The following MAP4 variants were observed in gnomAD, a reference collection of about 807,000 sequenced individuals.
MAP4 encodes microtubule associated protein 4.
A neutral mutation model predicts 170.2 loss-of-function variants in MAP4; 76 were observed. The observed-to-expected ratio is 0.45, with a 90% confidence interval of 0.37 to 0.54. The LOEUF (loss-of-function observed/expected upper bound fraction) is 0.54. Among genes scored for constraint, MAP4 ranks in the 20% least tolerant of loss-of-function variants. The pLI is 0.00. For missense variants in MAP4, 2,506 were observed against 2,748.0 expected, an observed-to-expected ratio of 0.91 and a Z score of 1.97; for synonymous variants, 909 against 994.5, an observed-to-expected ratio of 0.91 and a Z score of 1.62.
At chr3:48,021,885 T>C (rs1281722173) in intron 1 of MAP4, among the ~76,000 whole-genome samples, 1 of 152,140 alleles carries the variant, frequency 6.6e-6, no homozygotes, top group Non-Finnish European at 1.5e-5. Flanking sequence ...ATGTCATATG[T>C]TTGAAACTAA....
At chr3:48,045,593 A>C (rs892607161) in intron 1 of MAP4, among the ~76,000 whole-genome samples, 1 of 152,220 alleles carries the variant, frequency 6.6e-6, no homozygotes, top group African/African-American at 2.4e-5. Context: ...TCTTCCACTA[A>C]ATCAGTGCTA....
intron 1 of MAP4, among the ~76,000 whole-genome samples, chr3:48,077,519 G>A (rs1445439369): frequency 1.4e-5 from 2 of 146,794 alleles, no homozygotes; most frequent in African/African-American, 5.0e-5. Context: ...TTTTTTTATA[G>A]AGACAGGGTC....
At chr3:47,890,976 T>C (rs1166059926) in intron 10 of MAP4, 56 of 1,407,702 alleles carry the variant, frequency 4.0e-5, no homozygotes, top group Non-Finnish European at 5.2e-5. Flanking sequence ...TTTGGTTCCT[T>C]CCTTGCTGTC....
chr3:47,855,656 G>T lies in MAP4; in HGVS notation c.6584-296C>A, dbSNP rs1037905486. On this transcript the variant is annotated intron_variant, in intron 18 of 20. Transcript: ENST00000683076. The surrounding 1 kb of genome is among the most constrained non-coding windows in gnomAD (Gnocchi z 5.1). ...CAGGCTTGGGCAGGCCTGGGGCTCC[G>T]AGCACAGCCTCCAGGGCGAAGCCTC... Among the ~76,000 whole-genome samples the T allele has an allele frequency of 1.3e-5, 2 of 152,182 alleles. 1 individual carries two copies. Among genetic ancestry groups the T allele is most frequent in the South Asian group, 4.1e-4 (2 of 4,824 alleles).
intron 1 of MAP4, among the ~76,000 whole-genome samples, chr3:48,053,780 TTGG>T (rs2154550800): frequency 6.6e-6 from 1 of 152,294 alleles, no homozygotes; most frequent in South Asian, 2.1e-4. Context: ...TGATACCAAA[TTGG>T]TGCTATATTC....
intron 9 of MAP4, among the ~76,000 whole-genome samples, chr3:47,905,780 G>A (rs893538259): frequency 1.1e-4 from 17 of 151,846 alleles, no homozygotes; most frequent in African/African-American, 3.9e-4. Context: ...GATCGCCTAA[G>A]GTCAGGAGTT....
chr3:48,018,006 A>G (rs1559800648), upstream of MAP4, among the ~76,000 whole-genome samples: 1 of 152,234 alleles, frequency 6.6e-6, no homozygotes, highest in East Asian at 1.9e-4. Flanking sequence ...ACCTAGATCC[A>G]TCGCATGTGC....
intron 1 of MAP4, among the ~76,000 whole-genome samples, chr3:48,055,823 A>C (rs6442097): frequency 1.5e-5 from 2 of 134,282 alleles, no homozygotes; most frequent in South Asian, 2.6e-4. Context: ...GGCCGCCCAT[A>C]GTCTGAGACG....
intron 17 of MAP4, among the ~76,000 whole-genome samples, chr3:47,858,291 G>A (rs1410191066): frequency 6.6e-6 from 1 of 152,078 alleles, no homozygotes; most frequent in Non-Finnish European, 1.5e-5. Context: ...GGAATTACAG[G>A]TGTGAGCCAC....
At chr3:47,889,407 C>T (rs2098201089) in intron 10 of MAP4, among the ~76,000 whole-genome samples, 1 of 152,242 alleles carries the variant, frequency 6.6e-6, no homozygotes, top group Non-Finnish European at 1.5e-5. Flanking sequence ...CCACAATTCA[C>T]AACCCTCCCA....
intron 1 of MAP4, among the ~76,000 whole-genome samples, chr3:48,055,812 C>A (rs1397922234): frequency 7.2e-6 from 1 of 139,804 alleles, no homozygotes; most frequent in Non-Finnish European, 1.6e-5. Flanking sequence ...CGTCTCTGCC[C>A]GGCCGCCCAT....
rs201731116 is a variant in MAP4, at chr3:47,909,122, G to C, written c.5299C>G (p.Pro1767Ala). Reference protein sequence around the residue: ...MAEPMKGYMRPTKSRGLTPLL... With the variant: ...MAEPMKGYMRATKSRGLTPLL... Reference sequence around the variant, plus strand: ...GGAGTAAGTCCTCGGGACTTGGTGGGTCTCATGTAGCCTTTCATTGGTTCT... The same window carrying C: ...GGAGTAAGTCCTCGGGACTTGGTGGCTCTCATGTAGCCTTTCATTGGTTCT... The change falls in exon 9 of 21, where the codon CCC (proline) becomes GCC (alanine). Residue 1767 changes from proline (P) to alanine (A), a missense_variant. Physicochemically the swap from Pro to Ala is conservative, Grantham distance 27. Transcript: ENST00000683076. The C allele has an allele frequency of 8.1e-4, 1,306 of 1,613,900 alleles. 17 individuals are homozygous for C. The South Asian group carries it at 0.011, about 13-fold the overall frequency.
chr3:47,856,989 T>C (rs2057677741), intron 18 of MAP4, among the ~76,000 whole-genome samples: 1 of 152,226 alleles, frequency 6.6e-6, no homozygotes, highest in African/African-American at 2.4e-5. Context: ...ACGCCTCCCA[T>C]TCTCCTGCCA....
chr3:47,910,661 G>A lies in MAP4; in HGVS notation c.3760C>T (p.Pro1254Ser), dbSNP rs2153510030. Residue 1254 changes from proline (P) to serine (S), a missense_variant, in exon 9 of 21, where the codon CCC (proline) becomes TCC (serine). Pro to Ser is a moderately conservative substitution (Grantham distance 74). Coordinates refer to ENST00000683076, the MANE Select transcript of MAP4 (RefSeq NM_001385682.1). The part of the protein sequence containing the change: ...EGKDGDTGSI[P>S]HKSKEIGFTF... ...AATCCTATTTCCTTGCTTTTATGGG[G>A]AATACTACCAGTATCTCCATCCTTC... 6.5e-7 allele frequency: 1 copy of A among 1,536,062 alleles called. No individual in the cohort carries two copies. The highest frequency in any genetic ancestry group is 2.4e-5 in the East Asian group (1 of 40,920).
At chr3:47,873,510 G>A (rs2094205758) in intron 12 of MAP4, among the ~76,000 whole-genome samples, 1 of 152,146 alleles carries the variant, frequency 6.6e-6, no homozygotes, top group Admixed American at 6.5e-5. Context: ...CAGCTAAGGA[G>A]GTACTAGAAA....
intron 10 of MAP4, among the ~76,000 whole-genome samples, chr3:47,880,784 G>T (rs1248292610): frequency 6.6e-6 from 1 of 152,058 alleles, no homozygotes; most frequent in African/African-American, 2.4e-5. Context: ...CTTTTAAATT[G>T]ATTCAAGTTG....
At position 47,871,408 on chromosome 3, in the gene MAP4, G is replaced by C. The variant is rs1042382230; in HGVS notation, c.5942-122C>G. 1.4e-4 allele frequency: 112 copies of C among 822,036 alleles called. 1 individual carries two copies. In the Admixed American group the frequency reaches 2.2e-3, roughly 16 times the overall value. 50.9% of individuals were successfully genotyped at this position (822,036 alleles called of 1,614,324 possible). A position where few individuals can be genotyped will look rare whatever the true frequency, so the allele number is the denominator to read the frequency against. ...ATATCTACTTTGAGCCAGGGACTGT[G>C]TTAGTCCCTGGGAATGGAGTGGTAA... On this transcript the variant is annotated intron_variant, in intron 13 of 20. Coordinates refer to ENST00000683076, the MANE Select transcript of MAP4 (RefSeq NM_001385682.1).
At chr3:47,919,466 C>T (rs1183566149) in intron 5 of MAP4, among the ~76,000 whole-genome samples, 1 of 151,912 alleles carries the variant, frequency 6.6e-6, no homozygotes, top group East Asian at 1.9e-4. Context: ...CACCACCACA[C>T]CTGGCTAATT....
At position 47,916,957 on chromosome 3, in the gene MAP4, C is replaced by G; in HGVS notation, c.870G>C (p.Lys290Asn). 6.2e-7 allele frequency: 1 copy of G among 1,614,212 alleles called. No individual in the cohort carries two copies. Among genetic ancestry groups the G allele is most frequent in the Non-Finnish European group, 8.5e-7 (1 of 1,180,042 alleles). The change falls in exon 7 of 21, where the codon AAG (lysine) becomes AAC (asparagine). Residue 290 changes from lysine (K) to asparagine (N), a missense_variant. Transcript: ENST00000683076. The part of the protein sequence containing the change: ...SPTKLDVTLA[K>N]DMQPSMESDM... ...CTGATTCCATGGATGGCTGCATGTCCTTGGCCAGTGTCACATCTAATTTGG... is the reference window on the plus strand; with the variant it reads ...CTGATTCCATGGATGGCTGCATGTCGTTGGCCAGTGTCACATCTAATTTGG...
Sources: gnomAD v4.1 joint callset for allele counts (sites outside exome capture counted in the v4.1 genomes callset) on GRCh38, gnomAD v4.1.1 for gene constraint, Gnocchi (gnomAD v3.1) non-coding constraint, MANE v1.5 for transcripts, NCBI Gene and HGNC (gene_info 2026-07-23, HGNC 2026-07-21) for gene names.